The following EMCN variants were observed in gnomAD, a reference collection of about 807,000 sequenced individuals.
EMCN encodes endomucin, also known as MUC-14.
Under a neutral mutation model 38.4 loss-of-function variants are expected in EMCN, and 37 were observed. That is an observed-to-expected ratio of 0.96 (90% CI 0.74 to 1.27). The LOEUF (loss-of-function observed/expected upper bound fraction) is 1.27. Among genes scored for constraint, EMCN ranks in the 50% most tolerant of loss-of-function variants. EMCN has a pLI of 0.00. For missense variants in EMCN, 318 were observed against 302.8 expected (o/e 1.05, Z -0.37); for synonymous variants, 95 against 100.8 (o/e 0.94, Z 0.35).
intron 1 of EMCN, among the ~76,000 whole-genome samples, chr4:100,489,046 A>T (rs1729012395): frequency 6.6e-6 from 1 of 152,200 alleles, no homozygotes; most frequent in East Asian, 1.9e-4. Context: ...TTGAACAGGC[A>T]CTACTTGTAT....
intron 4 of EMCN, among the ~76,000 whole-genome samples, chr4:100,455,909 C>T (rs112512147): frequency 1.6e-4 from 24 of 152,226 alleles, no homozygotes; most frequent in African/African-American, 5.5e-4. Context: ...ATCCTCCTGC[C>T]TCACCCTCCC....
chr4:100,484,264 C>T lies in EMCN; in HGVS notation c.65-4225G>A, dbSNP rs547882794. Among the ~76,000 whole-genome samples, 3 of 152,090 alleles carry T rather than the reference C, an allele frequency of 2.0e-5. No individual in the cohort carries two copies. The East Asian group carries it at 5.8e-4, about 29-fold the overall frequency. The stretch of plus-strand genomic sequence containing the variant: ...GCACATATAGGGTCTTTAATGTGAA[C>T]TTGCTTTGTTTTTTATCTTTGAGAA... On this transcript the variant is annotated intron_variant, in intron 1 of 11. Coordinates refer to ENST00000296420, the MANE Select transcript of EMCN (RefSeq NM_016242.4).
At chr4:100,453,995 G>T (rs1367759147) in intron 4 of EMCN, among the ~76,000 whole-genome samples, 3 of 147,004 alleles carry the variant, frequency 2.0e-5, no homozygotes, top group Admixed American at 2.0e-4. Flanking sequence ...GACACAGGAA[G>T]GGGAACATCA....
rs757454828 is a variant in EMCN at position 100,423,056 on chromosome 4, T to G, written c.533A>C (p.Asn178Thr). The G allele has an allele frequency of 3.7e-6, 6 of 1,613,082 alleles. No homozygotes were observed. In the Admixed American group the frequency reaches 1.0e-4, roughly 27 times the overall value. Reference sequence around the variant, plus strand: ...CCGGCTGGTTGCTGAAGTGCTTGCATTTTTTCCACCCTCAGTGCCTATTAC... The same window carrying G: ...CCGGCTGGTTGCTGAAGTGCTTGCAGTTTTTCCACCCTCAGTGCCTATTAC... Reference protein sequence around the residue: ...SQVIGTEGGKNASTSATSRSY... With the variant: ...SQVIGTEGGKTASTSATSRSY... The change falls in exon 7 of 12, where the codon AAT (asparagine) becomes ACT (threonine). Residue 178 changes from asparagine (N) to threonine (T), a missense_variant. Physicochemically the swap from Asn to Thr is moderately conservative, Grantham distance 65. Coordinates refer to ENST00000296420, the MANE Select transcript of EMCN (RefSeq NM_016242.4).
At chr4:100,485,079 C>T (rs533905091) in intron 1 of EMCN, among the ~76,000 whole-genome samples, 19 of 152,138 alleles carry the variant, frequency 1.2e-4, no homozygotes, top group East Asian at 7.7e-4. Flanking sequence ...TATATAATTA[C>T]GGTACATGCA....
chr4:100,512,906 T>C (rs144162939), intron 1 of EMCN, among the ~76,000 whole-genome samples: 2,784 of 152,134 alleles, frequency 0.018, 75 homozygotes, highest in African/African-American at 0.063. Flanking sequence ...AAGTGATTAC[T>C]AAGAAAAAAA....
chr4:100,445,637 C>A (rs1221031823), intron 5 of EMCN, among the ~76,000 whole-genome samples: 2 of 152,036 alleles, frequency 1.3e-5, no homozygotes, highest in Admixed American at 1.3e-4. Context: ...TGCCTTTAAT[C>A]GCATGGATGA....
intron 1 of EMCN, among the ~76,000 whole-genome samples, chr4:100,481,852 TCC>T (rs1728813758): frequency 3.3e-5 from 5 of 151,506 alleles, no homozygotes; most frequent in African/African-American, 1.2e-4. Context: ...TTTCCTTCCT[TCC>T]TTCCTTTCTT....
chr4:100,476,233 C>T (rs1399924244), intron 2 of EMCN, among the ~76,000 whole-genome samples: 1 of 135,040 alleles, frequency 7.4e-6, no homozygotes, highest in East Asian at 2.5e-4. Flanking sequence ...TCCCTTCCTT[C>T]CTTCTTTCTT....
Position 100,404,500 on chromosome 4 carries a change from T to C in EMCN, c.*39+5782A>G, listed in dbSNP as rs111892507. ...CATACTGTACTAGTTACTGTAGCCT[T>C]GTAGTATCATTTGAAGTTGTAGGTG... On this transcript the variant is annotated intron_variant, in intron 11 of 11. Transcript: ENST00000296420. 3.8e-3 allele frequency among the ~76,000 whole-genome samples: 576 copies of C among 152,272 alleles called. 3 individuals carry two copies. The highest frequency in any genetic ancestry group is 0.013 in the African/African-American group (545 of 41,582).
At chr4:100,461,528 G>A (rs1481454019) in intron 4 of EMCN, among the ~76,000 whole-genome samples, 2 of 151,912 alleles carry the variant, frequency 1.3e-5, no homozygotes, top group African/African-American at 2.4e-5. Flanking sequence ...AATTCAAAAA[G>A]CCCACATTTT....
At chr4:100,473,636 C>T (rs1038636926) in intron 3 of EMCN, among the ~76,000 whole-genome samples, 2 of 151,882 alleles carry the variant, frequency 1.3e-5, no homozygotes, top group African/African-American at 4.8e-5. Context: ...AGCATAGTGG[C>T]CAGACATCGG....
chr4:100,463,116 C>T (rs993629378), intron 4 of EMCN, among the ~76,000 whole-genome samples: 11 of 152,174 alleles, frequency 7.2e-5, no homozygotes, highest in African/African-American at 2.4e-4. Flanking sequence ...TCATGGAGTC[C>T]AGAATGTGAG....
chr4:100,420,346 G>C (rs1446656744), intron 8 of EMCN, among the ~76,000 whole-genome samples: 2 of 152,004 alleles, frequency 1.3e-5, no homozygotes, highest in Non-Finnish European at 2.9e-5. Context: ...AAAAGATACA[G>C]TAAATTTGTG....
chr4:100,473,365 G>GTTTTTTTTTTTTTTTTTTTTTTT lies in EMCN; in HGVS notation c.259+1672_259+1673insAAAAAAAAAAAAAAAAAAAAAAA. Among the ~76,000 whole-genome samples the GTTTTTTTTTTTTTTTTTTTTTTT allele has an allele frequency of 6.4e-4, 19 of 29,870 alleles. 3 individuals are homozygous for GTTTTTTTTTTTTTTTTTTTTTTT. The highest frequency in any genetic ancestry group is 1.9e-3 in the East Asian group (2 of 1,034). The allele number at this position is 29,870 out of a possible 152,430, so 19.6% of individuals were successfully genotyped here. A position where few individuals can be genotyped will look rare whatever the true frequency, so the allele number is the denominator to read the frequency against. On this transcript the variant is annotated intron_variant, in intron 3 of 11. Coordinates refer to ENST00000296420, the MANE Select transcript of EMCN (RefSeq NM_016242.4). ...TTCTAATGGGCATTTCCCGTTTCGT[G>GTTTTTTTTTTTTTTTTTTTTTTT]TTTTTTTGTTTTTTTTTTTTGTTTT...
chr4:100,401,217 G>A (rs1239075679), intron 11 of EMCN, among the ~76,000 whole-genome samples: 1 of 151,970 alleles, frequency 6.6e-6, no homozygotes, highest in African/African-American at 2.4e-5. Flanking sequence ...ATATCTGTGG[G>A]TTCTATGTCC....
chr4:100,516,795 T>C (rs1729770407), intron 1 of EMCN, among the ~76,000 whole-genome samples: 1 of 152,124 alleles, frequency 6.6e-6, no homozygotes, highest in South Asian at 2.1e-4. Context: ...AATTAAGATT[T>C]TGTAGGCAGT....
intron 1 of EMCN, 129 bp from the exon 2 acceptor site, chr4:100,480,168 T>A: frequency 1.4e-6 from 1 of 721,746 alleles, no homozygotes; most frequent in Non-Finnish European, 2.2e-6. Context: ...GTAATCAATT[T>A]ATCCTTAGCT....
At chr4:100,403,606 G>A (rs551100182) in intron 11 of EMCN, among the ~76,000 whole-genome samples, 1 of 152,034 alleles carries the variant, frequency 6.6e-6, no homozygotes, top group South Asian at 2.1e-4. Context: ...GGGACTGCTG[G>A]GTTGAATGGT....
Sources: gnomAD v4.1 joint callset for allele counts (sites outside exome capture counted in the v4.1 genomes callset) on GRCh38, gnomAD v4.1.1 for gene constraint, MANE v1.5 for transcripts, NCBI Gene and HGNC (gene_info 2026-07-23, HGNC 2026-07-21) for gene names.